NPSR1: variants seen among roughly 807,000 people sequenced by gnomAD.
NPSR1 encodes the protein neuropeptide S receptor.
A neutral mutation model predicts 46.9 loss-of-function variants in NPSR1; 48 were observed. The ratio of observed to expected loss-of-function variants is 1.02; its 90% CI spans 0.81 to 1.30. The LOEUF (loss-of-function observed/expected upper bound fraction) is 1.30. Ranked by LOEUF, NPSR1 falls within the 50% of genes most tolerant of loss-of-function variation. The probability of loss-of-function intolerance (pLI) is 0.00; values close to 1 mark genes in which losing one functional copy is unlikely to be tolerated. For missense variants in NPSR1, 450 were observed against 449.5 expected (o/e 1.00, Z -0.01); for synonymous variants, 176 against 168.1 (o/e 1.05, Z -0.36).
chr7:34,755,411 G>C (rs1033200442), intron 2 of NPSR1, among the ~76,000 whole-genome samples: 1 of 152,188 alleles, frequency 6.6e-6, no homozygotes, highest in Non-Finnish European at 1.5e-5. Context: ...GAACCTTACA[G>C]TATGTGTGCT....
intron 1 of NPSR1, among the ~76,000 whole-genome samples, chr7:34,682,623 G>T (rs1471432962): frequency 2.0e-5 from 3 of 152,092 alleles, no homozygotes; most frequent in South Asian, 2.1e-4. Flanking sequence ...ACCTGAATGG[G>T]AAGTGTCAGT....
At chr7:34,834,301 G>A (rs909295467) in intron 5 of NPSR1, 83 bp from the exon 6 acceptor site, 11 of 967,990 alleles carry the variant, frequency 1.1e-5, no homozygotes, top group Middle Eastern at 4.2e-4. Context: ...CCTTGCACTC[G>A]GGGAGGTGGG....
At chr7:34,750,167 C>A in intron 2 of NPSR1, 16 of 303,396 alleles carry the variant, frequency 5.3e-5, no homozygotes, top group East Asian at 3.1e-4. Context: ...GGCAAATATT[C>A]TACAAGGGGA....
chr7:34,820,848 A>T (rs1789518811), intron 4 of NPSR1, among the ~76,000 whole-genome samples: 1 of 152,232 alleles, frequency 6.6e-6, no homozygotes, highest in Admixed American at 6.5e-5. Flanking sequence ...AAGACAAAGA[A>T]TTGTGGAGAC....
intron 2 of NPSR1, among the ~76,000 whole-genome samples, chr7:34,701,133 A>C (rs1793808319): frequency 6.6e-6 from 1 of 152,226 alleles, no homozygotes; most frequent in Non-Finnish European, 1.5e-5. Context: ...AAAGGAGTTC[A>C]GGACATGCCA....
intron 3 of NPSR1, among the ~76,000 whole-genome samples, chr7:34,791,855 A>C (rs1244345572): frequency 6.6e-6 from 1 of 152,168 alleles, no homozygotes; most frequent in Non-Finnish European, 1.5e-5. Context: ...GCAGACATAT[A>C]GACAGATGAA....
intron 3 of NPSR1, among the ~76,000 whole-genome samples, chr7:34,780,437 T>G (rs558962455): frequency 3.0e-4 from 45 of 152,262 alleles, no homozygotes; most frequent in Non-Finnish European, 5.9e-4. Context: ...TCTTTTGACA[T>G]AGGGAAAACG....
intron 8 of NPSR1, among the ~76,000 whole-genome samples, chr7:34,869,712 G>A (rs1047655491): frequency 6.6e-6 from 1 of 151,776 alleles, no homozygotes; most frequent in Non-Finnish European, 1.5e-5. Flanking sequence ...ACTGTTAAGA[G>A]TGGTAGGGAA....
At chr7:34,787,700 T>C (rs1407959620) in intron 3 of NPSR1, among the ~76,000 whole-genome samples, 2 of 152,120 alleles carry the variant, frequency 1.3e-5, no homozygotes, top group Non-Finnish European at 2.9e-5. Context: ...AATATTACTG[T>C]GTCTCAGAGA....
At chr7:34,806,410 G>A (rs1300940476) in intron 3 of NPSR1, among the ~76,000 whole-genome samples, 1 of 152,078 alleles carries the variant, frequency 6.6e-6, no homozygotes, top group Non-Finnish European at 1.5e-5. Flanking sequence ...AAAGAAGCCA[G>A]TCTGAAAAAG....
At chr7:34,859,980 C>T (rs774702252) in intron 8 of NPSR1, among the ~76,000 whole-genome samples, 10 of 151,914 alleles carry the variant, frequency 6.6e-5, no homozygotes, top group East Asian at 5.8e-4. Flanking sequence ...AATGTTATCT[C>T]CTGAGTCCAA....
chr7:34,737,234 C>G (rs324390), intron 2 of NPSR1, among the ~76,000 whole-genome samples: 2 of 152,180 alleles, frequency 1.3e-5, no homozygotes, highest in Non-Finnish European at 2.9e-5. Context: ...GACACCACCA[C>G]CTCTTACCTA....
At chr7:34,764,038 T>A (rs1337284644) in intron 2 of NPSR1, among the ~76,000 whole-genome samples, 1 of 152,202 alleles carries the variant, frequency 6.6e-6, no homozygotes, top group Non-Finnish European at 1.5e-5. Context: ...GTATGTCAAC[T>A]GATTACTCCA....
downstream of NPSR1, among the ~76,000 whole-genome samples, chr7:34,850,824 G>A (rs1007005370): frequency 6.6e-6 from 1 of 152,142 alleles, no homozygotes; most frequent in African/African-American, 2.4e-5. Context: ...TCTTTAGTTA[G>A]GAGCTAGGTT....
At chr7:34,709,262 T>G (rs1794266361) in intron 2 of NPSR1, among the ~76,000 whole-genome samples, 1 of 152,206 alleles carries the variant, frequency 6.6e-6, no homozygotes, top group Admixed American at 6.5e-5. Context: ...CCTGTGCAAC[T>G]GTGCCCTTGC....
chr7:34,784,183 C>T (rs1314509940), intron 3 of NPSR1, among the ~76,000 whole-genome samples: 1 of 152,226 alleles, frequency 6.6e-6, no homozygotes, highest in Non-Finnish European at 1.5e-5. Flanking sequence ...ATTTCCTTCT[C>T]CTGCCTAATG....
chr7:34,792,725 A>ATGTG (rs1174651923), intron 3 of NPSR1, among the ~76,000 whole-genome samples: 1 of 110,802 alleles, frequency 9.0e-6, no homozygotes, highest in Non-Finnish European at 1.9e-5. Flanking sequence ...TTATATATAT[A>ATGTG]TATATATATT....
At chr7:34,795,879 A>AT (rs1788150126) in intron 3 of NPSR1, among the ~76,000 whole-genome samples, 1 of 152,156 alleles carries the variant, frequency 6.6e-6, no homozygotes, top group Non-Finnish European at 1.5e-5. Flanking sequence ...CCAGCAAGTT[A>AT]TTTTGTGGAT....
chr7:34,741,390 A>G (rs1390900056), intron 2 of NPSR1, among the ~76,000 whole-genome samples: 2 of 152,088 alleles, frequency 1.3e-5, no homozygotes, highest in African/African-American at 4.8e-5. Context: ...TTACTTGTAC[A>G]TATTAGTGCT....
Sources: gnomAD v4.1 joint callset for allele counts (sites outside exome capture counted in the v4.1 genomes callset) on GRCh38, gnomAD v4.1.1 for gene constraint, MANE v1.5 for transcripts, NCBI Gene and HGNC (gene_info 2026-07-23, HGNC 2026-07-21) for gene names.